NR2C2: variants seen among roughly 807,000 people sequenced by gnomAD.
NR2C2 encodes the protein Nuclear hormone receptor TR4.
Under a neutral mutation model 62.9 loss-of-function variants are expected in NR2C2, and 6 were observed. The ratio of observed to expected loss-of-function variants is 0.10; its 90% CI spans 0.05 to 0.19. The LOEUF is 0.19. Ranked by LOEUF, NR2C2 falls within the 10% of genes least tolerant of loss-of-function variation. The probability of loss-of-function intolerance (pLI) is 1.00; values close to 1 mark genes in which losing one functional copy is unlikely to be tolerated. For missense variants in NR2C2, 479 were observed against 762.7 expected (o/e 0.63, Z 4.38); for synonymous variants, 272 against 273.8 (o/e 0.99, Z 0.07).
intron 1 of NR2C2, among the ~76,000 whole-genome samples, chr3:14,976,709 C>T (rs1321627952): frequency 7.1e-6 from 1 of 140,336 alleles, no homozygotes; most frequent in Non-Finnish European, 1.5e-5. Flanking sequence ...AACATATTTT[C>T]ATTTACATTA....
At chr3:14,966,743 A>G (rs571787669) in intron 1 of NR2C2, among the ~76,000 whole-genome samples, 1 of 152,308 alleles carries the variant, frequency 6.6e-6, no homozygotes, top group Non-Finnish European at 1.5e-5. Context: ...ACCAAGGTAA[A>G]CTACAAAAGT....
chr3:15,028,673 A>T lies in NR2C2; in HGVS notation c.886A>T (p.Thr296Ser). 6.2e-7 allele frequency: 1 copy of T among 1,614,194 alleles called. No homozygotes were observed. Among genetic ancestry groups the T allele is most frequent in the South Asian group, 1.1e-5 (1 of 91,082 alleles). ...AAGTGAATCTTTGAACAACGGTGAC[A>T]CTTCAGAAATCCAGCCAGAGGACCA... ...NLSESLNNGDTSEIQPEDQSA... is the reference protein window; with the variant it reads ...NLSESLNNGDSSEIQPEDQSA... Residue 296 changes from threonine to serine, a missense_variant, in exon 8 of 14, where the codon ACT (threonine) becomes TCT (serine). Thr to Ser is a moderately conservative substitution (Grantham distance 58). Coordinates refer to ENST00000425241, the MANE Select transcript of NR2C2 (RefSeq NM_001291694.2).
chr3:14,977,253 T>A (rs2040233919), intron 1 of NR2C2, among the ~76,000 whole-genome samples: 1 of 152,208 alleles, frequency 6.6e-6, no homozygotes, highest in Admixed American at 6.5e-5. Flanking sequence ...TGTTACTTAA[T>A]GTCTTTTGCT....
intron 1 of NR2C2, among the ~76,000 whole-genome samples, chr3:14,951,937 G>C (rs141636734): frequency 6.6e-6 from 1 of 152,104 alleles, no homozygotes; most frequent in Non-Finnish European, 1.5e-5. Context: ...TAGTAGAGAC[G>C]GTGTTTCACC....
chr3:14,968,338 A>G (rs1405653157), intron 1 of NR2C2, among the ~76,000 whole-genome samples: 1 of 152,206 alleles, frequency 6.6e-6, no homozygotes, highest in Admixed American at 6.5e-5. Flanking sequence ...ATGAACAGAC[A>G]CTTCTCAAAA....
At chr3:15,014,625 T>C (rs2041453420) in intron 3 of NR2C2, among the ~76,000 whole-genome samples, 1 of 152,158 alleles carries the variant, frequency 6.6e-6, no homozygotes, top group South Asian at 2.1e-4. Context: ...GCTGAAACTC[T>C]GTACTCATTG....
At chr3:14,963,051 A>G (rs2039733838) in intron 1 of NR2C2, among the ~76,000 whole-genome samples, 1 of 152,186 alleles carries the variant, frequency 6.6e-6, no homozygotes, top group Non-Finnish European at 1.5e-5. Context: ...CATTATGAGT[A>G]AGCATTTGTC....
At chr3:14,972,491 C>G (rs1574945763) in intron 1 of NR2C2, among the ~76,000 whole-genome samples, 1 of 152,176 alleles carries the variant, frequency 6.6e-6, no homozygotes, top group East Asian at 1.9e-4. Flanking sequence ...TTTTCATATG[C>G]TAGTTGGCCA....
chr3:14,977,922 CTGAG>C (rs1170926896), intron 1 of NR2C2, among the ~76,000 whole-genome samples: 1 of 146,590 alleles, frequency 6.8e-6, no homozygotes, highest in African/African-American at 2.5e-5. Context: ...GCACTCCAGC[CTGAG>C]TGACAGAGTG....
intron 2 of NR2C2, among the ~76,000 whole-genome samples, chr3:15,006,211 A>G (rs934435897): frequency 1.1e-4 from 16 of 152,232 alleles, no homozygotes; most frequent in African/African-American, 3.9e-4. Context: ...TCTCAAAAAA[A>G]TAAAATAGTA....
chr3:14,987,162 A>G (rs1309346588), intron 1 of NR2C2, among the ~76,000 whole-genome samples: 2 of 152,134 alleles, frequency 1.3e-5, no homozygotes, highest in Non-Finnish European at 2.9e-5. Context: ...AGCTCACTGC[A>G]ATTTCAATCT....
intron 9 of NR2C2, among the ~76,000 whole-genome samples, chr3:15,030,916 A>G (rs1158852266): frequency 6.6e-6 from 1 of 152,232 alleles, no homozygotes; most frequent in African/African-American, 2.4e-5. Context: ...TGGATCTTGT[A>G]TTCCAGAATG....
At position 15,038,646 on chromosome 3, in the gene NR2C2, C is replaced by T. The variant is rs553311680; in HGVS notation, c.1511-476C>T. ...CCCCTTATTAACTGTTCTCTCAAGT[C>T]CTCTGGAAAAGTCACTTAGGCTAAT... is the stretch of plus-strand genomic sequence containing the variant. On this transcript the variant is annotated intron_variant, in intron 12 of 13. Transcript: ENST00000425241. The T allele has an allele frequency of 1.2e-4, 20 of 167,674 alleles. No individual in the cohort carries two copies. The South Asian group carries it at 2.4e-3, about 20-fold the overall frequency. The allele number at this position is 167,674 out of a possible 1,614,324, so 10.4% of individuals were successfully genotyped here.
At chr3:14,991,366 A>G (rs2040665059) in intron 1 of NR2C2, among the ~76,000 whole-genome samples, 1 of 152,224 alleles carries the variant, frequency 6.6e-6, no homozygotes, top group South Asian at 2.1e-4. Flanking sequence ...GTTGCTGCAC[A>G]AAGGGGGTTA....
chr3:15,027,422 C>A lies in NR2C2; in HGVS notation c.799-1164C>A, dbSNP rs191306435. On this transcript the variant is annotated intron_variant, in intron 7 of 13. Coordinates refer to ENST00000425241, the MANE Select transcript of NR2C2 (RefSeq NM_001291694.2). ...TAGGAAGGTTCTCATTTCTCCACAT[C>A]CTTACCAACACTTGTTATTATCCAT... Among the ~76,000 whole-genome samples the A allele has an allele frequency of 2.6e-5, 4 of 152,372 alleles. No homozygotes were observed. The East Asian group carries it at 5.8e-4, about 22-fold the overall frequency.
intron 1 of NR2C2, among the ~76,000 whole-genome samples, chr3:14,975,431 T>C (rs188193064): frequency 3.3e-5 from 5 of 152,364 alleles, no homozygotes; most frequent in Admixed American, 3.3e-4. Context: ...TGAAAGGCTA[T>C]TGAATTTTGT....
At chr3:15,027,190 G>A (rs1015868947) in intron 7 of NR2C2, among the ~76,000 whole-genome samples, 1 of 151,932 alleles carries the variant, frequency 6.6e-6, no homozygotes, top group African/African-American at 2.4e-5. Context: ...GTAGAGATGA[G>A]GTTTCACCAT....
chr3:14,967,719 T>C (rs1029198700), intron 1 of NR2C2, among the ~76,000 whole-genome samples: 1 of 152,170 alleles, frequency 6.6e-6, no homozygotes, highest in Admixed American at 6.5e-5. Context: ...TTTTTAAGCA[T>C]TTAAGATTTC....
rs960901725 is a variant in NR2C2, at chr3:15,038,017, C to T, written c.1390C>T (p.Arg464Trp). The T allele has an allele frequency of 3.7e-6, 6 of 1,612,948 alleles. No homozygotes were observed. The highest frequency in any genetic ancestry group is 4.5e-5 in the East Asian group (2 of 44,804). Reference sequence around the variant, plus strand: ...GTTTCTAGATAAACTTTCTGGTGACCGGATAAAGCAAGTCATGGAGCACAT... The same window carrying T: ...GTTTCTAGATAAACTTTCTGGTGACTGGATAAAGCAAGTCATGGAGCACAT... ...SIQEDKLSGD[R>W]IKQVMEHIWK... Residue 464 changes from arginine (R) to tryptophan (W), a missense_variant, in exon 12 of 14, where the codon CGG (arginine) becomes TGG (tryptophan). By Grantham distance (101) the Arg-to-Trp change is moderately radical. This residue lies in a region of NR2C2 where 162 missense variants were observed against 296.8 expected (regional missense o/e 0.55). Coordinates refer to ENST00000425241, the MANE Select transcript of NR2C2 (RefSeq NM_001291694.2).
Sources: allele counts gnomAD v4.1 joint callset (sites outside exome capture counted in the v4.1 genomes callset), GRCh38; gene constraint gnomAD v4.1.1; regional missense constraint gnomAD v4.1.1; transcripts MANE v1.5; gene names NCBI Gene and HGNC (gene_info 2026-07-23, HGNC 2026-07-21).